AGBL5: variants seen among roughly 807,000 people sequenced by gnomAD.
The protein encoded by AGBL5 is AGBL carboxypeptidase 5.
Under a neutral mutation model 88.0 loss-of-function variants are expected in AGBL5, and 51 were observed. The observed-to-expected ratio is 0.58, with a 90% confidence interval of 0.46 to 0.73. The LOEUF is 0.73. Among genes scored for constraint, AGBL5 ranks in the 30% least tolerant of loss-of-function variants. The probability of loss-of-function intolerance (pLI) is 0.00; values close to 1 mark genes in which losing one functional copy is unlikely to be tolerated. For missense variants in AGBL5, 1,031 were observed against 1,162.2 expected (o/e 0.89, Z 1.64); for synonymous variants, 446 against 438.8 (o/e 1.02, Z -0.21).
chr2:27,070,222 G>T lies in AGBL5; in HGVS notation c.2620G>T (p.Val874Phe). 6.2e-7 allele frequency: 1 copy of T among 1,614,140 alleles called. No homozygotes were observed. Among genetic ancestry groups the T allele is most frequent in the Non-Finnish European group, 8.5e-7 (1 of 1,180,016 alleles). Reference sequence around the variant, plus strand: ...CTTGGGCCAACCTGAGGTTTGTTTTGTCCCTAAATCTCCCCCACTGACTGT... The same window carrying T: ...CTTGGGCCAACCTGAGGTTTGTTTTTTCCCTAAATCTCCCCCACTGACTGT... ...GPLGQPEVCF[V>F]PKSPPLTVSP... Residue 874 changes from valine (V) to phenylalanine (F), a missense_variant, in exon 15 of 15, where the codon GTC (valine) becomes TTC (phenylalanine). By Grantham distance (50) the Val-to-Phe change is conservative. Coordinates refer to ENST00000360131, the MANE Select transcript of AGBL5 (RefSeq NM_021831.6).
chr2:27,069,159 C>T, intron 13 of AGBL5: 1 of 1,341,162 alleles, frequency 7.5e-7, no homozygotes, highest in South Asian at 1.2e-5. Context: ...GTCCAGATCC[C>T]CATGCTAGGT....
At chr2:27,065,018 T>C (rs896619685) in intron 11 of AGBL5, among the ~76,000 whole-genome samples, 2 of 151,222 alleles carry the variant, frequency 1.3e-5, no homozygotes, top group African/African-American at 4.9e-5. Flanking sequence ...CCTCCCAAAG[T>C]GGTGGGATTA....
At position 27,053,573 on chromosome 2, in the gene AGBL5, G is replaced by C. The variant is rs1358572915; in HGVS notation, c.387G>C (p.Glu129Asp). 6.2e-7 allele frequency: 1 copy of C among 1,609,336 alleles called. No individual in the cohort carries two copies. The highest frequency in any genetic ancestry group is 8.5e-7 in the Non-Finnish European group (1 of 1,178,098). The stretch of plus-strand genomic sequence containing the variant: ...GCATTCGAGACCGGCCCACCTTTGA[G>C]GTAAGTTCTCCATGAGGAGGAAAGA... ...WERIRDRPTF[E>D]MTETQFVLSF... Residue 129 changes from glutamate to aspartate, a missense_variant and splice_region_variant, in exon 3 of 15, where the codon GAG becomes GAC. Glu to Asp is a conservative substitution (Grantham distance 45, BLOSUM62 2). Around this residue, in one of 2 missense-constraint regions of AGBL5, gnomAD observed 540 missense variants for 678.2 expected, o/e 0.80. Transcript: ENST00000360131. The surrounding 1 kb of genome is among the most constrained non-coding windows in gnomAD (Gnocchi z 4.9).
chr2:27,067,435 G>C lies in AGBL5; in HGVS notation c.2090-59G>C. 5 of 1,565,322 alleles carry C rather than the reference G, an allele frequency of 3.2e-6. No homozygotes were observed. In the South Asian group the frequency reaches 4.6e-5, roughly 14 times the overall value. ...CACGGAAGCCAGCAGGTCAGTGAAG[G>C]CTGCCTCATAGTGCCCCACTTATTT... On this transcript the variant is annotated intron_variant, in intron 11 of 14. Transcript: ENST00000360131.
chr2:27,055,934 A>G lies in AGBL5; in HGVS notation c.1161A>G (p.Glu387=). 6.2e-7 allele frequency: 1 copy of G among 1,614,226 alleles called. No individual in the cohort carries two copies. The change falls in exon 7 of 15, where the codon GAA becomes GAG. Residue 387 remains glutamate, a synonymous_variant. Coordinates refer to ENST00000360131, the MANE Select transcript of AGBL5 (RefSeq NM_021831.6). ...ACTCAGCTGACAGGCATAACGCTGA[A>G]GCCTGGAAACAAACAGAGCCAGCAG... The part of the protein sequence containing the change: ...CGHSADRHNA[E]AWKQTEPAEQ...
At chr2:27,056,382 A>G in intron 7 of AGBL5, 1 of 599,736 alleles carries the variant, frequency 1.7e-6, no homozygotes, top group Non-Finnish European at 2.8e-6. Context: ...GAGTCTGGGA[A>G]TCCAGAGAAG....
intron 10 of AGBL5, among the ~76,000 whole-genome samples, chr2:27,058,813 C>G (rs778215467): frequency 1.3e-5 from 2 of 152,204 alleles, no homozygotes; most frequent in Non-Finnish European, 2.9e-5. Flanking sequence ...CCTAAGAGAT[C>G]TGAGTATCAG....
intron 12 of AGBL5, 88 bp downstream of exon 12, chr2:27,067,734 G>A: frequency 1.4e-6 from 2 of 1,401,606 alleles, no homozygotes; most frequent in East Asian, 2.3e-5. Context: ...GAGACCAGGG[G>A]CATCACTTAT....
In AGBL5 at chr2:27,069,596, C is replaced by G; in HGVS notation, c.2379C>G (p.Gly793=). 1 of 1,614,170 alleles carries G rather than the reference C, an allele frequency of 6.2e-7. No individual in the cohort carries two copies. Among genetic ancestry groups the G allele is most frequent in the East Asian group, 2.2e-5 (1 of 44,882 alleles). The part of the protein sequence containing the change: ...RLQARPRLGR[G]SPPTRRGMKG... ...AGGCTAGGCCCAGGTTGGGCCGGGG[C>G]TCACCGCCGACTCGCAGAGGGATGA... is the stretch of plus-strand genomic sequence containing the variant. Residue 793 remains glycine, a synonymous_variant, in exon 14 of 15, where the codon GGC becomes GGG. Transcript: ENST00000360131.
chr2:27,067,493 G>T lies in AGBL5; in HGVS notation c.2090-1G>T. 1 of 1,613,654 alleles carries T rather than the reference G, an allele frequency of 6.2e-7. No individual in the cohort carries two copies. Among genetic ancestry groups the T allele is most frequent in the East Asian group, 2.2e-5 (1 of 44,840 alleles). On this transcript the variant is annotated splice_acceptor_variant, in intron 11 of 14. Coordinates refer to ENST00000360131, the MANE Select transcript of AGBL5 (RefSeq NM_021831.6). LOFTEE classifies it high-confidence loss of function. ...TATCTGCTTGTATCTCTTCCACTCA[G>T]AGCCCCGAAGCCAGGACAGGAGACG...
intron 11 of AGBL5, among the ~76,000 whole-genome samples, chr2:27,065,947 A>G (rs1338681089): frequency 2.0e-5 from 3 of 152,188 alleles, no homozygotes; most frequent in East Asian, 3.8e-4. Context: ...TGTAGTGTTC[A>G]AAAGTTTAGA....
chr2:27,069,200 T>C, intron 13 of AGBL5: 1 of 1,351,612 alleles, frequency 7.4e-7, no homozygotes, highest in Non-Finnish European at 9.7e-7. Context: ...GCTGACTGGA[T>C]GGGTGAAGTG....
chr2:27,056,806 T>C lies in AGBL5; in HGVS notation c.1535+14T>C, dbSNP rs1185335936. On this transcript the variant is annotated intron_variant, in intron 8 of 14. Coordinates refer to ENST00000360131, the MANE Select transcript of AGBL5 (RefSeq NM_021831.6). ...GATAATCCACAGGTTGGGTGGAAGC[T>C]GAGATATAGTTGATGAAATAGCTTC... The C allele has an allele frequency of 1.9e-6, 3 of 1,581,130 alleles. No homozygotes were observed. The East Asian group carries it at 6.8e-5, about 36-fold the overall frequency.
intron 12 of AGBL5, chr2:27,067,870 C>G: frequency 1.6e-6 from 1 of 610,384 alleles, no homozygotes; most frequent in Non-Finnish European, 3.0e-6. Flanking sequence ...AGGCACTGCT[C>G]TACACACTTA....
At chr2:27,070,051 G>A (rs1669203384) in intron 14 of AGBL5, 41 bp from the exon 15 acceptor site, 1 of 1,587,198 alleles carries the variant, frequency 6.3e-7, no homozygotes, top group South Asian at 1.1e-5. Context: ...AAGAGGAGGA[G>A]AGTTTTCACA....
intron 11 of AGBL5, among the ~76,000 whole-genome samples, chr2:27,067,272 A>AC (rs1558424650): frequency 6.6e-6 from 1 of 151,762 alleles, no homozygotes; most frequent in Non-Finnish European, 1.5e-5. Context: ...AAAAAAAAAA[A>AC]AAACTAGCAG....
rs1407059827 is a variant in AGBL5 at position 27,053,047 on chromosome 2, G to A, written c.89G>A (p.Ser30Asn). Residue 30 changes from serine (S) to asparagine (N), a missense_variant, in exon 2 of 15, where the codon AGT becomes AAT. Ser to Asn is a conservative substitution (Grantham distance 46). This residue lies in a region of AGBL5 where 540 missense variants were observed against 678.2 expected (regional missense o/e 0.80). Transcript: ENST00000360131. The surrounding 1 kb of genome is among the most constrained non-coding windows in gnomAD (Gnocchi z 4.9). ...AHVEKVESLSSDGEGVGGGAS... is the reference protein window; with the variant it reads ...AHVEKVESLSNDGEGVGGGAS... ...GTGGAGAAGGTGGAATCTTTGTCCA[G>A]TGATGGGGAAGGGGTAGGAGGTGGG... 1.2e-6 allele frequency: 2 copies of A among 1,613,934 alleles called. No individual in the cohort carries two copies. The highest frequency in any genetic ancestry group is 2.2e-5 in the South Asian group (2 of 90,984).
chr2:27,060,418 G>A lies in AGBL5; in HGVS notation c.2089+1014G>A, dbSNP rs143783710. On this transcript the variant is annotated intron_variant, in intron 11 of 14. Coordinates refer to ENST00000360131, the MANE Select transcript of AGBL5 (RefSeq NM_021831.6). Reference sequence around the variant, plus strand: ...ATTAACGGGAGTAACCTGGATTGCGGAGGGGGAGAGATTGTTATAGTGCCA... The same window carrying A: ...ATTAACGGGAGTAACCTGGATTGCGAAGGGGGAGAGATTGTTATAGTGCCA... Among the ~76,000 whole-genome samples the A allele has an allele frequency of 5.6e-3, 857 of 152,350 alleles. 6 individuals are homozygous for A. Among genetic ancestry groups the A allele is most frequent in the African/African-American group, 0.02 (817 of 41,576 alleles).
rs1668237008 is a variant in AGBL5, at chr2:27,052,903, T to C, written c.-46-10T>C. 32 of 1,466,532 alleles carry C rather than the reference T, an allele frequency of 2.2e-5. No homozygotes were observed. The highest frequency in any genetic ancestry group is 2.7e-5 in the Non-Finnish European group (30 of 1,094,938). 90.8% of individuals were successfully genotyped at this position (1,466,532 alleles called of 1,614,324 possible). On this transcript the variant is annotated splice_polypyrimidine_tract_variant and intron_variant, in intron 1 of 14. Transcript: ENST00000360131. ...CTTTCCTCCTTAACCTAACCCTTGT[T>C]TTCCCCCAGCTCTCAGGGCCAGAGC... is the stretch of plus-strand genomic sequence containing the variant.
Sources: gnomAD v4.1 joint callset for allele counts (sites outside exome capture counted in the v4.1 genomes callset) on GRCh38, gnomAD v4.1.1 for gene constraint, gnomAD v4.1.1 regional missense constraint, Gnocchi (gnomAD v3.1) non-coding constraint, MANE v1.5 for transcripts, NCBI Gene and HGNC (gene_info 2026-07-23, HGNC 2026-07-21) for gene names.